Variants in EPB41L2 observed in about 807,000 individuals in gnomAD.
The protein encoded by EPB41L2 is erythrocyte membrane protein band 4.1 like 2, also known as band 4.1-like protein 2.
In EPB41L2, 43 loss-of-function variants were observed where a neutral mutation model predicts 113.0. That is an observed-to-expected ratio of 0.38 (90% CI 0.30 to 0.49). The LOEUF (loss-of-function observed/expected upper bound fraction) is 0.49, where lower values mean the gene tolerates loss of function less well. Ranked by LOEUF, EPB41L2 falls within the 20% of genes least tolerant of loss-of-function variation. The pLI is 0.95. For missense variants in EPB41L2, 1,147 were observed against 1,223.4 expected (o/e 0.94, Z 0.93); for synonymous variants, 442 against 436.7 (o/e 1.01, Z -0.15).
In EPB41L2 at chr6:130,908,772, T is replaced by C. The variant is rs770317638; in HGVS notation, c.853+49A>G. The C allele has an allele frequency of 5.0e-6, 7 of 1,412,400 alleles. No homozygotes were observed. The South Asian group carries it at 7.5e-5, about 15-fold the overall frequency. The allele number at this position is 1,412,400 out of a possible 1,614,324, so 87.5% of individuals were successfully genotyped here. A position where few individuals can be genotyped will look rare whatever the true frequency, so the allele number is the denominator to read the frequency against. On this transcript the variant is annotated intron_variant, in intron 5 of 19. Coordinates refer to ENST00000337057, the MANE Select transcript of EPB41L2 (RefSeq NM_001431.4). ...TATTACTGATCATTTATATCACAAA[T>C]AGATATCAAGACACCTTAACTTCAA...
intron 1 of EPB41L2, among the ~76,000 whole-genome samples, chr6:131,041,022 T>C (rs1462334366): frequency 6.6e-6 from 1 of 152,300 alleles, no homozygotes; most frequent in East Asian, 1.9e-4. Context: ...TTTTAGATTG[T>C]AAGTGACTTA....
intron 3 of EPB41L2, among the ~76,000 whole-genome samples, chr6:130,940,746 A>C (rs1810544282): frequency 6.6e-6 from 1 of 152,096 alleles, no homozygotes; most frequent in Non-Finnish European, 1.5e-5. Context: ...TGGGATTACA[A>C]GCATAAGCCA....
intron 1 of EPB41L2, among the ~76,000 whole-genome samples, chr6:131,033,829 T>C (rs1792734180): frequency 6.6e-6 from 1 of 152,204 alleles, no homozygotes; most frequent in Non-Finnish European, 1.5e-5. Flanking sequence ...AGTCTGTGTT[T>C]GTGATGATGA....
intron 1 of EPB41L2, among the ~76,000 whole-genome samples, chr6:130,972,968 C>T (rs1023824883): frequency 3.4e-4 from 45 of 132,364 alleles, no homozygotes; most frequent in Non-Finnish European, 6.2e-4. Flanking sequence ...AAAAAACAGC[C>T]GGGTGTGGTG....
intron 14 of EPB41L2, among the ~76,000 whole-genome samples, chr6:130,870,821 T>TAAA (rs554695255): frequency 4.3e-5 from 6 of 140,942 alleles, no homozygotes; most frequent in South Asian, 2.3e-4. Flanking sequence ...TGGTTTTCTT[T>TAAA]AAAAAAAAAA....
chr6:130,949,987 G>C (rs954230517), intron 3 of EPB41L2, among the ~76,000 whole-genome samples: 1 of 152,212 alleles, frequency 6.6e-6, no homozygotes, highest in Admixed American at 6.5e-5. Flanking sequence ...TACGTTATTG[G>C]AAAGGCTCCA....
intron 1 of EPB41L2, among the ~76,000 whole-genome samples, chr6:130,974,717 CTTTTTTTT>C (rs71030723): frequency 7.7e-5 from 5 of 64,638 alleles, no homozygotes; most frequent in African/African-American, 2.5e-4. Flanking sequence ...CTTTTCTTTT[CTTTTTTTT>C]TTTTTTTTTT....
chr6:130,963,236 C>T (rs12527605), intron 1 of EPB41L2, among the ~76,000 whole-genome samples: 14,703 of 152,196 alleles, frequency 0.097, 843 homozygotes, highest in Admixed American at 0.14. Context: ...TTGATGTTGA[C>T]TTCTGCATAT....
chr6:130,986,891 C>G lies in EPB41L2; in HGVS notation c.-14-30392G>C, dbSNP rs562056499. Among the ~76,000 whole-genome samples the G allele has an allele frequency of 3.3e-5, 5 of 152,214 alleles. No homozygotes were observed. In the South Asian group the frequency reaches 1.0e-3, roughly 32 times the overall value. On this transcript the variant is annotated intron_variant, in intron 1 of 19. Transcript: ENST00000337057. The stretch of plus-strand genomic sequence containing the variant: ...TAAAGAAAAAAGAAACCTCATACTC[C>G]AGCTGTCACACCCCAGTACCCCCAG...
intron 19 of EPB41L2, among the ~76,000 whole-genome samples, chr6:130,845,601 G>A (rs925996713): frequency 3.3e-5 from 5 of 152,122 alleles, no homozygotes; most frequent in South Asian, 4.1e-4. Context: ...GTCTGGTCTC[G>A]AACTCCAGGC....
At chr6:130,893,761 T>C (rs1013852421) in intron 10 of EPB41L2, among the ~76,000 whole-genome samples, 2 of 152,150 alleles carry the variant, frequency 1.3e-5, no homozygotes, top group African/African-American at 4.8e-5. Context: ...AAGGTAAATG[T>C]GCAAAGAGGA....
At position 130,839,989 on chromosome 6, in the gene EPB41L2, A is replaced by G. The variant is rs1306978300; in HGVS notation, c.*615T>C. On this transcript the variant is annotated 3_prime_UTR_variant, in exon 20 of 20. Coordinates refer to ENST00000337057, the MANE Select transcript of EPB41L2 (RefSeq NM_001431.4). ...AGAAAGTCACAGGACTGGAAAGTCA[A>G]AAGGGTCCAATATAAAAAACATCCC... is the stretch of plus-strand genomic sequence containing the variant. 6.6e-6 allele frequency: 1 copy of G among 152,248 alleles called. No individual in the cohort carries two copies. Among genetic ancestry groups the G allele is most frequent in the Non-Finnish European group, 1.5e-5 (1 of 68,040 alleles). The allele number at this position is 152,248 out of a possible 1,614,324, so 9.4% of individuals were successfully genotyped here.
At chr6:131,052,064 G>A (rs1796678916) in intron 1 of EPB41L2, among the ~76,000 whole-genome samples, 1 of 151,704 alleles carries the variant, frequency 6.6e-6, no homozygotes, top group Non-Finnish European at 1.5e-5. Context: ...AGCCTGCCAA[G>A]TAGCTGGGAC....
chr6:131,058,269 GAAGT>G (rs997184554), intron 1 of EPB41L2, among the ~76,000 whole-genome samples: 4 of 152,164 alleles, frequency 2.6e-5, no homozygotes, highest in Non-Finnish European at 4.4e-5. Context: ...CCAATGCCAA[GAAGT>G]AAGAGACATC....
In EPB41L2 at chr6:130,952,707, C is replaced by T. The variant is rs144891969; in HGVS notation, c.705+2398G>A. On this transcript the variant is annotated intron_variant, in intron 3 of 19. Transcript: ENST00000337057. The stretch of plus-strand genomic sequence containing the variant: ...TGCCTGTAATCCCAGCTACACAGGA[C>T]GCTGAGGCAGAAGAATCGCTTGAAC... 0.011 allele frequency among the ~76,000 whole-genome samples: 1,722 copies of T among 151,674 alleles called. 184 individuals are homozygous for T. In the East Asian group the frequency reaches 0.26, roughly 23 times the overall value.
chr6:130,937,839 T>C (rs889193581), intron 3 of EPB41L2, among the ~76,000 whole-genome samples: 1 of 130,200 alleles, frequency 7.7e-6, no homozygotes, highest in African/African-American at 3.9e-5. Flanking sequence ...AAAAAAAGAT[T>C]AACACAGCCT....
chr6:130,848,099 G>A (rs1448705651), intron 19 of EPB41L2, among the ~76,000 whole-genome samples: 1 of 151,726 alleles, frequency 6.6e-6, no homozygotes, highest in Non-Finnish European at 1.5e-5. Flanking sequence ...GGGAACATGG[G>A]AAAAAAATCA....
intron 10 of EPB41L2, among the ~76,000 whole-genome samples, chr6:130,892,587 C>G (rs1039945780): frequency 1.3e-5 from 2 of 151,720 alleles, no homozygotes; most frequent in African/African-American, 4.8e-5. Context: ...ATCAGTGTAA[C>G]TTGAGGGATT....
intron 1 of EPB41L2, among the ~76,000 whole-genome samples, chr6:131,052,089 A>C (rs756542147): frequency 6.6e-6 from 1 of 151,684 alleles, no homozygotes; most frequent in Non-Finnish European, 1.5e-5. Flanking sequence ...GGCGCCCACC[A>C]CCACACCCAG....
Sources: allele counts gnomAD v4.1 joint callset (sites outside exome capture counted in the v4.1 genomes callset), GRCh38; gene constraint gnomAD v4.1.1; transcripts MANE v1.5; gene names NCBI Gene and HGNC (gene_info 2026-07-23, HGNC 2026-07-21).